Variants in PEPD observed in about 807,000 individuals in gnomAD.
The protein encoded by PEPD is xaa-Pro dipeptidase.
In PEPD, 53 loss-of-function variants were observed where a neutral mutation model predicts 60.7. The ratio of observed to expected loss-of-function variants is 0.87; its 90% CI spans 0.70 to 1.10. The LOEUF is 1.10. PEPD is among the 50% of genes least tolerant of loss of function. The pLI is 0.00. For missense variants in PEPD, 711 were observed against 711.9 expected, an observed-to-expected ratio of 1.00 and a Z score of 0.01; for synonymous variants, 267 against 284.1, an observed-to-expected ratio of 0.94 and a Z score of 0.60.
In PEPD at chr19:33,467,315, G is replaced by A. The variant is rs569912291; in HGVS notation, c.549-3253C>T. ...CATTCCTTAGTTCTGCATAGACCACGGTCACAGTCATCATAGAAACACAGT... is the reference window on the plus strand; with the variant it reads ...CATTCCTTAGTTCTGCATAGACCACAGTCACAGTCATCATAGAAACACAGT... On this transcript the variant is annotated intron_variant, in intron 7 of 14. Transcript: ENST00000244137. 2.2e-4 allele frequency among the ~76,000 whole-genome samples: 34 copies of A among 152,060 alleles called. No homozygotes were observed. The South Asian group carries it at 6.9e-3, about 31-fold the overall frequency.
intron 3 of PEPD, among the ~76,000 whole-genome samples, chr19:33,508,512 C>T (rs1332260267): frequency 2.0e-5 from 3 of 152,214 alleles, no homozygotes; most frequent in African/African-American, 7.2e-5. Context: ...GAATTTGGAC[C>T]GAGCCCCGAG....
intron 12 of PEPD, among the ~76,000 whole-genome samples, chr19:33,400,204 G>T (rs1035417768): frequency 7.2e-5 from 11 of 152,288 alleles, no homozygotes; most frequent in African/African-American, 1.9e-4. Context: ...TGGGGGGGCT[G>T]GACTATGACC....
intron 3 of PEPD, among the ~76,000 whole-genome samples, chr19:33,506,625 TCA>T (rs150948460): frequency 0.054 from 5,160 of 94,796 alleles, 203 homozygotes; most frequent in African/African-American, 0.14. Context: ...ACATGCCCAC[TCA>T]CAACACAGCA....
intron 9 of PEPD, among the ~76,000 whole-genome samples, chr19:33,416,195 G>A (rs12977061): frequency 0.3 from 45,495 of 152,148 alleles, 7,406 homozygotes; most frequent in Admixed American, 0.4. Flanking sequence ...AGAGCTTGGC[G>A]AGTGGTGCTG....
intron 1 of PEPD, among the ~76,000 whole-genome samples, chr19:33,517,954 C>CAA (rs74174669): frequency 0.011 from 1,342 of 119,632 alleles, 6 homozygotes; most frequent in Middle Eastern, 0.02. Flanking sequence ...GACTCCCTCT[C>CAA]AAAAAAAAAA....
chr19:33,413,451 C>A (rs546073017), intron 10 of PEPD, 124 bp downstream of exon 10: 1 of 672,474 alleles, frequency 1.5e-6, no homozygotes, highest in East Asian at 2.7e-5. Context: ...TTGGGCCGGG[C>A]GCTGGTGTGG....
Position 33,387,257 on chromosome 19 carries a change from C to A in PEPD, c.*87G>T. The A allele has an allele frequency of 2.0e-6, 3 of 1,512,848 alleles. No individual in the cohort carries two copies. The highest frequency in any genetic ancestry group is 2.7e-6 in the Non-Finnish European group (3 of 1,097,176). The allele number at this position is 1,512,848 out of a possible 1,614,324, so 93.7% of individuals were successfully genotyped here. A position where few individuals can be genotyped will look rare whatever the true frequency, so the allele number is the denominator to read the frequency against. ...ATCTGATTCTGGGTGCCGTCTCTCG[C>A]TACTGGAGTGCTGACCAGCAGGCTG... On this transcript the variant is annotated 3_prime_UTR_variant, in exon 15 of 15. Coordinates refer to ENST00000244137, the MANE Select transcript of PEPD (RefSeq NM_000285.4).
At chr19:33,440,895 G>A (rs1275047603) in intron 9 of PEPD, among the ~76,000 whole-genome samples, 2 of 152,160 alleles carry the variant, frequency 1.3e-5, no homozygotes, top group Non-Finnish European at 2.9e-5. Flanking sequence ...GGCTGGAAAT[G>A]ACGAACACTC....
At chr19:33,512,224 G>A (rs568697029) in intron 2 of PEPD, among the ~76,000 whole-genome samples, 2 of 152,292 alleles carry the variant, frequency 1.3e-5, no homozygotes, top group Non-Finnish European at 2.9e-5. Context: ...TTTCCCCTCT[G>A]AGCCTCAGTT....
chr19:33,393,191 C>A (rs1173871274), intron 12 of PEPD, among the ~76,000 whole-genome samples: 1 of 146,094 alleles, frequency 6.8e-6, no homozygotes, highest in Non-Finnish European at 1.5e-5. Context: ...GTGGGGGAGG[C>A]CGTCCCGGGG....
chr19:33,426,826 G>A lies in PEPD; in HGVS notation c.672-13183C>T, dbSNP rs533367131. Among the ~76,000 whole-genome samples, 63 of 152,326 alleles carry A rather than the reference G, an allele frequency of 4.1e-4. 1 individual carries two copies. In the South Asian group the frequency reaches 0.013, roughly 31 times the overall value. Reference sequence around the variant, plus strand: ...AGGACCACAGATGCCTGTGAAAGACGTCTCCTCTCTGAGAAGGTTCTTCCA... The same window carrying A: ...AGGACCACAGATGCCTGTGAAAGACATCTCCTCTCTGAGAAGGTTCTTCCA... On this transcript the variant is annotated intron_variant, in intron 9 of 14. Transcript: ENST00000244137.
intron 9 of PEPD, among the ~76,000 whole-genome samples, chr19:33,420,483 A>C (rs959647356): frequency 6.6e-6 from 1 of 152,136 alleles, no homozygotes; most frequent in African/African-American, 2.4e-5. Flanking sequence ...TGCGTGAATC[A>C]CCTGAGGTCA....
chr19:33,450,937 C>T (rs1969685689), intron 9 of PEPD, among the ~76,000 whole-genome samples: 2 of 152,166 alleles, frequency 1.3e-5, no homozygotes, highest in Non-Finnish European at 2.9e-5. Flanking sequence ...GAGTTACCAC[C>T]CCTTTCCATA....
chr19:33,445,514 G>A (rs896805429), intron 9 of PEPD, among the ~76,000 whole-genome samples: 1 of 152,224 alleles, frequency 6.6e-6, no homozygotes, highest in Non-Finnish European at 1.5e-5. Context: ...CCCCAGGGAT[G>A]CGTGCACACA....
At chr19:33,405,219 T>C (rs1968592637) in intron 11 of PEPD, among the ~76,000 whole-genome samples, 2 of 152,114 alleles carry the variant, frequency 1.3e-5, no homozygotes, top group Non-Finnish European at 2.9e-5. Flanking sequence ...ACCCAGACCC[T>C]CCCTGGGCCC....
intron 3 of PEPD, among the ~76,000 whole-genome samples, chr19:33,508,587 C>A (rs892612283): frequency 2.6e-5 from 4 of 152,206 alleles, no homozygotes; most frequent in African/African-American, 9.6e-5. Flanking sequence ...CTCATGCACG[C>A]TGGCGGCTGG....
chr19:33,401,981 C>T, intron 11 of PEPD, 112 bp from the exon 12 acceptor site: 1 of 961,516 alleles, frequency 1.0e-6, no homozygotes, highest in Non-Finnish European at 1.6e-6. Context: ...GTCCTGGATG[C>T]AACTCCCCCT....
intron 2 of PEPD, 127 bp downstream of exon 2, chr19:33,512,466 G>T (rs1333634542): frequency 9.0e-6 from 8 of 888,414 alleles, no homozygotes; most frequent in African/African-American, 8.2e-5. Context: ...CACTTCCCAG[G>T]CGAGGAAACA....
chr19:33,434,051 C>T (rs1235173805), intron 9 of PEPD, among the ~76,000 whole-genome samples: 1 of 152,172 alleles, frequency 6.6e-6, no homozygotes, highest in Non-Finnish European at 1.5e-5. Context: ...CTTCTCTTCC[C>T]CTCTCCTCCT....
Sources: allele counts gnomAD v4.1 joint callset (sites outside exome capture counted in the v4.1 genomes callset), GRCh38; gene constraint gnomAD v4.1.1; transcripts MANE v1.5; gene names NCBI Gene and HGNC (gene_info 2026-07-23, HGNC 2026-07-21).